MYOCD: variants seen among roughly 807,000 people sequenced by gnomAD.
MYOCD encodes myocardin.
Under a neutral mutation model 96.1 loss-of-function variants are expected in MYOCD, and 32 were observed. That is an observed-to-expected ratio of 0.33 (90% CI 0.25 to 0.45). The LOEUF (loss-of-function observed/expected upper bound fraction) is 0.45, where lower values mean the gene tolerates loss of function less well. Among genes scored for constraint, MYOCD ranks in the 20% least tolerant of loss-of-function variants. The pLI is 1.00. For synonymous variants in MYOCD, 469 were observed against 469.0 expected, an observed-to-expected ratio of 1.00 and a Z score of 0.00; for missense variants, 1,133 against 1,200.6, an observed-to-expected ratio of 0.94 and a Z score of 0.83.
chr17:12,716,315 A>T (rs575580680), intron 3 of MYOCD, among the ~76,000 whole-genome samples: 1 of 152,204 alleles, frequency 6.6e-6, no homozygotes, highest in African/African-American at 2.4e-5. Context: ...GAGAATAACA[A>T]AGAACAGCAG....
chr17:12,720,739 C>T (rs1359057661), intron 4 of MYOCD, among the ~76,000 whole-genome samples: 3 of 151,992 alleles, frequency 2.0e-5, no homozygotes, highest in South Asian at 2.1e-4. Context: ...TAGGTGACAC[C>T]GGCCAGGTGC....
At chr17:12,691,535 A>G (rs897249274) in intron 1 of MYOCD, among the ~76,000 whole-genome samples, 4 of 152,088 alleles carry the variant, frequency 2.6e-5, no homozygotes, top group Admixed American at 2.6e-4. Context: ...CCATGGAGAC[A>G]CTATGGACAG....
intron 1 of MYOCD, among the ~76,000 whole-genome samples, chr17:12,670,495 T>A (rs1909643379): frequency 6.6e-6 from 1 of 151,650 alleles, no homozygotes; most frequent in Non-Finnish European, 1.5e-5. Flanking sequence ...TCCCCAAGAT[T>A]TTTATCATAA....
intron 2 of MYOCD, 71 bp from the exon 3 acceptor site, chr17:12,715,448 C>T (rs1299854070): frequency 1.5e-6 from 2 of 1,364,874 alleles, no homozygotes; most frequent in Non-Finnish European, 2.1e-6. Flanking sequence ...GCAAGCACAC[C>T]AGCAAACTCT....
intron 10 of MYOCD, among the ~76,000 whole-genome samples, chr17:12,753,779 C>T (rs545853174): frequency 7.2e-5 from 11 of 152,236 alleles, no homozygotes; most frequent in South Asian, 4.1e-4. Flanking sequence ...CAGGATTCCT[C>T]GGTGTCCAAC....
At chr17:12,753,434 T>C (rs2032921211) in intron 10 of MYOCD, 88 bp downstream of exon 10, 2 of 1,213,864 alleles carry the variant, frequency 1.6e-6, no homozygotes, top group Non-Finnish European at 2.3e-6. Flanking sequence ...AATGTCAGAA[T>C]TTTCAATGGG....
intron 1 of MYOCD, among the ~76,000 whole-genome samples, chr17:12,698,932 C>T (rs1043603442): frequency 4.0e-5 from 6 of 151,210 alleles, no homozygotes; most frequent in Admixed American, 6.6e-5. Flanking sequence ...TTAGTAAAGA[C>T]GGGGTTTCAC....
chr17:12,670,009 A>G (rs1404579929), intron 1 of MYOCD, among the ~76,000 whole-genome samples: 1 of 152,110 alleles, frequency 6.6e-6, no homozygotes, highest in South Asian at 2.1e-4. Context: ...TACCATGAGA[A>G]TGAACCCTAG....
Position 12,752,527 on chromosome 17 carries a change from G to A in MYOCD, c.1239G>A (p.Pro413=), listed in dbSNP as rs150316964. 1.6e-4 allele frequency: 251 copies of A among 1,614,134 alleles called. 1 individual carries two copies. The African/African-American group carries it at 2.4e-3, about 15-fold the overall frequency. The change falls in exon 10 of 14, where the codon CCG becomes CCA. Residue 413 remains proline, a synonymous_variant. Transcript: ENST00000425538. The part of the protein sequence containing the change: ...PFQDCSGNPV[P]NFGDITTVTF... ...AGGACTGCTCTGGCAACCCAGTGCC[G>A]AACTTTGGGGATATAACGACTGTCA...
chr17:12,758,081 G>A lies in MYOCD; in HGVS notation c.2203-4G>A, dbSNP rs748346854. On this transcript the variant is annotated splice_polypyrimidine_tract_variant and splice_region_variant and intron_variant, in intron 11 of 13. Transcript: ENST00000425538. ...ATGCCTTTCTTCATATTTTACCCAT[G>A]CAGATGGCTGGTTTACACTCTTCTG... 6.2e-7 allele frequency: 1 copy of A among 1,601,724 alleles called. No individual in the cohort carries two copies. The highest frequency in any genetic ancestry group is 8.6e-7 in the Non-Finnish European group (1 of 1,168,866).
chr17:12,753,830 G>A (rs1336161338), intron 10 of MYOCD, among the ~76,000 whole-genome samples: 1 of 152,136 alleles, frequency 6.6e-6, no homozygotes, highest in Non-Finnish European at 1.5e-5. Flanking sequence ...GTTTAAAGGG[G>A]AAATCATCAG....
chr17:12,737,117 T>C (rs1241114197), intron 6 of MYOCD, among the ~76,000 whole-genome samples: 2 of 151,900 alleles, frequency 1.3e-5, no homozygotes, highest in Non-Finnish European at 2.9e-5. Flanking sequence ...TAGCCGGGCA[T>C]GGTGGTGCGC....
At chr17:12,699,731 G>A (rs1012526622) in intron 1 of MYOCD, among the ~76,000 whole-genome samples, 2 of 152,074 alleles carry the variant, frequency 1.3e-5, no homozygotes, top group African/African-American at 2.4e-5. Context: ...AAATTTGGAA[G>A]CCTTGGCTTT....
intron 12 of MYOCD, 109 bp from the exon 13 acceptor site, chr17:12,760,541 A>T (rs74657418): frequency 1.1e-6 from 1 of 870,706 alleles, no homozygotes. Flanking sequence ...GGAAAAAAAA[A>T]TACCTTGACC....
intron 5 of MYOCD, among the ~76,000 whole-genome samples, chr17:12,725,410 C>T (rs1015689821): frequency 6.7e-6 from 1 of 148,400 alleles, no homozygotes; most frequent in Non-Finnish European, 1.5e-5. Flanking sequence ...ATTATACACA[C>T]TTTATATAAA....
In MYOCD at chr17:12,763,852, T is replaced by C. The variant is rs145569876; in HGVS notation, c.*208T>C. On this transcript the variant is annotated 3_prime_UTR_variant, in exon 14 of 14. Coordinates refer to ENST00000425538, the MANE Select transcript of MYOCD (RefSeq NM_001146312.3). ...CCAACAGTCAGTAACTGTTAATGATTTCAACAATGCATTAAAAGAATGTGC... is the reference window on the plus strand; with the variant it reads ...CCAACAGTCAGTAACTGTTAATGATCTCAACAATGCATTAAAAGAATGTGC... 1.4e-3 allele frequency: 640 copies of C among 468,254 alleles called. 6 individuals are homozygous for C. Among genetic ancestry groups the C allele is most frequent in the East Asian group, 7.9e-3 (231 of 29,176 alleles). 29.0% of individuals were successfully genotyped at this position (468,254 alleles called of 1,614,324 possible). A position where few individuals can be genotyped will look rare whatever the true frequency, so the allele number is the denominator to read the frequency against.
At chr17:12,685,772 G>A (rs180746171) in intron 1 of MYOCD, among the ~76,000 whole-genome samples, 102 of 152,216 alleles carry the variant, frequency 6.7e-4, no homozygotes, top group African/African-American at 2.1e-3. Context: ...TAACTCAAGC[G>A]TGTGTATCTT....
rs551941855 is a variant in MYOCD at position 12,738,021 on chromosome 17, G to A, written c.592-1182G>A. 2.6e-5 allele frequency among the ~76,000 whole-genome samples: 4 copies of A among 152,286 alleles called. No individual in the cohort carries two copies. In the East Asian group the frequency reaches 7.7e-4, roughly 29 times the overall value. On this transcript the variant is annotated intron_variant, in intron 6 of 13. Coordinates refer to ENST00000425538, the MANE Select transcript of MYOCD (RefSeq NM_001146312.3). Reference sequence around the variant, plus strand: ...TTTGATAACATCAAACGGTGTATCAGATCATTTGTACACATTATTCTGACA... The same window carrying A: ...TTTGATAACATCAAACGGTGTATCAAATCATTTGTACACATTATTCTGACA...
intron 3 of MYOCD, among the ~76,000 whole-genome samples, chr17:12,716,365 G>T (rs977234952): frequency 2.3e-5 from 1 of 43,746 alleles, no homozygotes; most frequent in African/African-American, 4.1e-5. Context: ...ACCCCTCTCA[G>T]GGGGCCACTG....
Sources: allele counts gnomAD v4.1 joint callset (sites outside exome capture counted in the v4.1 genomes callset), GRCh38; gene constraint gnomAD v4.1.1; transcripts MANE v1.5; gene names NCBI Gene and HGNC (gene_info 2026-07-23, HGNC 2026-07-21).